FHIT: variants seen among roughly 807,000 people sequenced by gnomAD.
FHIT encodes the protein fragile histidine triad diadenosine triphosphatase.
FHIT carries 19 observed loss-of-function variants against 17.9 expected under a neutral mutation model. The ratio of observed to expected loss-of-function variants is 1.06; its 90% CI spans 0.74 to 1.56. FHIT has a LOEUF of 1.56. Among genes scored for constraint, FHIT ranks in the 40% most tolerant of loss-of-function variants. The probability of loss-of-function intolerance (pLI) is 0.00; values close to 1 mark genes in which losing one functional copy is unlikely to be tolerated. For missense variants in FHIT, 248 were observed against 189.2 expected (o/e 1.31, Z -1.82); for synonymous variants, 81 against 69.7 (o/e 1.16, Z -0.81).
Position 60,553,401 on chromosome 3 carries a change from C to T in FHIT, c.-17-16422G>A, listed in dbSNP as rs926390773. ...AACCCCCTTCTTCCACTGATTGATC[C>T]GACGGAGACCTTTTATGCAAAAAGA... On this transcript the variant is annotated intron_variant, in intron 4 of 9. Transcript: ENST00000492590. 64 of 974,596 alleles carry T rather than the reference C, an allele frequency of 6.6e-5. No individual in the cohort carries two copies. In the Middle Eastern group the frequency reaches 1.6e-3, roughly 24 times the overall value. 60.4% of individuals were successfully genotyped at this position (974,596 alleles called of 1,614,324 possible).
At chr3:60,504,667 G>A (rs1431458932) in intron 5 of FHIT, among the ~76,000 whole-genome samples, 4 of 152,088 alleles carry the variant, frequency 2.6e-5, no homozygotes, top group Admixed American at 6.6e-5. Context: ...AGGAGAAAGT[G>A]ATTAACAAAA....
At chr3:59,925,479 T>A (rs761155419) in intron 7 of FHIT, among the ~76,000 whole-genome samples, 2 of 152,162 alleles carry the variant, frequency 1.3e-5, no homozygotes, top group East Asian at 1.9e-4. Context: ...TCCTCAGGAA[T>A]ATGCCTGTTA....
At chr3:60,306,082 T>A (rs552493507) in intron 5 of FHIT, among the ~76,000 whole-genome samples, 5 of 152,280 alleles carry the variant, frequency 3.3e-5, no homozygotes, top group East Asian at 3.9e-4. Flanking sequence ...AGCCTACATG[T>A]AGTACTGTGG....
chr3:60,040,277 C>T (rs1193675631), intron 5 of FHIT, among the ~76,000 whole-genome samples: 6 of 152,022 alleles, frequency 3.9e-5, no homozygotes, highest in Non-Finnish European at 8.8e-5. Context: ...TCCCGAGTAG[C>T]TGGGATTACA....
chr3:60,115,686 G>C (rs1042617337), intron 5 of FHIT, among the ~76,000 whole-genome samples: 9 of 152,086 alleles, frequency 5.9e-5, no homozygotes, highest in African/African-American at 2.2e-4. Context: ...AACTAAATGA[G>C]AGAACAAATT....
chr3:60,642,255 G>A (rs187271436), intron 4 of FHIT, among the ~76,000 whole-genome samples: 53 of 152,266 alleles, frequency 3.5e-4, no homozygotes, highest in Admixed American at 1.1e-3. Context: ...CTAGGAAGGC[G>A]GGGGATGGAG....
intron 7 of FHIT, among the ~76,000 whole-genome samples, chr3:59,926,049 T>G (rs1188595290): frequency 6.6e-6 from 1 of 152,232 alleles, no homozygotes; most frequent in African/African-American, 2.4e-5. Flanking sequence ...TTCCACAAAT[T>G]TGCTAGGGGT....
At chr3:60,577,578 T>C (rs1309279924) in intron 4 of FHIT, among the ~76,000 whole-genome samples, 1 of 152,314 alleles carries the variant, frequency 6.6e-6, no homozygotes, top group East Asian at 1.9e-4. Context: ...CAAAAGTGTA[T>C]ATTTTGTAAG....
intron 5 of FHIT, among the ~76,000 whole-genome samples, chr3:60,277,575 G>T (rs1036888160): frequency 6.6e-4 from 100 of 152,266 alleles, no homozygotes; most frequent in Middle Eastern, 3.4e-3. Flanking sequence ...TAAGATCAGG[G>T]TAGGGCATCC....
intron 4 of FHIT, among the ~76,000 whole-genome samples, chr3:60,789,221 A>G (rs958980212): frequency 5.3e-5 from 8 of 151,662 alleles, no homozygotes; most frequent in Non-Finnish European, 1.2e-4. Context: ...AGAGAGCACA[A>G]CAAGAATACG....
intron 2 of FHIT, among the ~76,000 whole-genome samples, chr3:61,076,327 A>G (rs2034970044): frequency 6.6e-6 from 1 of 152,194 alleles, no homozygotes; most frequent in East Asian, 1.9e-4. Context: ...AAAATATAAT[A>G]GTCTTTCATA....
chr3:60,453,688 G>T (rs1385215312), intron 5 of FHIT, among the ~76,000 whole-genome samples: 1 of 152,170 alleles, frequency 6.6e-6, no homozygotes, highest in African/African-American at 2.4e-5. Context: ...GGGCCATGAA[G>T]ATCTCTCCCT....
intron 9 of FHIT, chr3:59,750,046 G>A (rs1461343803): frequency 3.6e-5 from 8 of 224,524 alleles, no homozygotes; most frequent in Non-Finnish European, 1.8e-5. Flanking sequence ...AGGTACTGTG[G>A]CAATAGTTTG....
At chr3:60,103,861 A>G (rs2107150323) in intron 5 of FHIT, among the ~76,000 whole-genome samples, 1 of 152,308 alleles carries the variant, frequency 6.6e-6, no homozygotes, top group South Asian at 2.1e-4. Context: ...GTTCCAACCA[A>G]TTTTAATTAC....
intron 5 of FHIT, among the ~76,000 whole-genome samples, chr3:60,382,074 T>C (rs1209087760): frequency 6.6e-6 from 1 of 152,234 alleles, no homozygotes; most frequent in Non-Finnish European, 1.5e-5. Context: ...CATTGGACAG[T>C]GGCTAGCCTA....
chr3:59,952,098 G>A (rs537519793), intron 7 of FHIT, among the ~76,000 whole-genome samples: 1 of 152,272 alleles, frequency 6.6e-6, no homozygotes, highest in South Asian at 2.1e-4. Context: ...TTGACTGAAA[G>A]TTCTTGGATT....
At chr3:60,869,209 T>C (rs1437649902) in intron 3 of FHIT, among the ~76,000 whole-genome samples, 1 of 152,178 alleles carries the variant, frequency 6.6e-6, no homozygotes, top group African/African-American at 2.4e-5. Flanking sequence ...TCAATTCTAA[T>C]TTTTGAGGAC....
intron 5 of FHIT, among the ~76,000 whole-genome samples, chr3:60,029,897 C>CTGTGTCTG: frequency 7.8e-6 from 1 of 127,908 alleles, no homozygotes; most frequent in East Asian, 2.6e-4. Flanking sequence ...GTGTGTGTGT[C>CTGTGTCTG]TGTGTGTGTG....
intron 5 of FHIT, among the ~76,000 whole-genome samples, chr3:60,233,663 G>A (rs569723508): frequency 6.6e-6 from 1 of 152,156 alleles, no homozygotes; most frequent in East Asian, 1.9e-4. Flanking sequence ...GTTTGGCTGT[G>A]TCCCCACTCA....
Sources: allele counts gnomAD v4.1 joint callset (sites outside exome capture counted in the v4.1 genomes callset), GRCh38; gene constraint gnomAD v4.1.1; transcripts MANE v1.5; gene names NCBI Gene and HGNC (gene_info 2026-07-23, HGNC 2026-07-21).